Variants in C2CD3 observed in about 807,000 individuals in gnomAD.
The protein encoded by C2CD3 is C2 domain-containing protein 3.
Under a neutral mutation model 234.0 loss-of-function variants are expected in C2CD3, and 148 were observed. The ratio of observed to expected loss-of-function variants is 0.63; its 90% CI spans 0.55 to 0.72. The LOEUF (loss-of-function observed/expected upper bound fraction) is 0.72. Ranked by LOEUF, C2CD3 falls within the 30% of genes least tolerant of loss-of-function variation. C2CD3 has a pLI of 0.00. For missense variants in C2CD3, 2,577 were observed against 2,811.5 expected (o/e 0.92, Z 1.89); for synonymous variants, 1,000 against 1,035.4 (o/e 0.97, Z 0.66).
In C2CD3 at chr11:74,085,703, G is replaced by C; in HGVS notation, c.3825C>G (p.His1275Gln). Residue 1275 changes from histidine to glutamine, a missense_variant, in exon 21 of 33, where the codon CAC becomes CAG. Transcript: ENST00000334126. ...VEFTCNLVTQ[H>Q]CSGEACFLAE... is the part of the protein sequence containing the mutation. ...CTAGGAAACAGGCCTCTCCACTACA[G>C]TGCTGAGTCACCAAGTTACATGTGA... is the stretch of plus-strand genomic sequence containing the variant. 6.2e-7 allele frequency: 1 copy of C among 1,614,078 alleles called. No homozygotes were observed. The highest frequency in any genetic ancestry group is 1.1e-5 in the South Asian group (1 of 91,078).
At chr11:74,134,529 A>C (rs1957794789) in intron 5 of C2CD3, among the ~76,000 whole-genome samples, 1 of 152,178 alleles carries the variant, frequency 6.6e-6, no homozygotes, top group Admixed American at 6.5e-5. Flanking sequence ...TCTGTTTCTA[A>C]ATAAAAACAA....
intron 28 of C2CD3, among the ~76,000 whole-genome samples, chr11:74,045,762 A>G (rs1308701637): frequency 6.6e-6 from 1 of 151,950 alleles, no homozygotes; most frequent in Non-Finnish European, 1.5e-5. Context: ...TTGTAGAGAT[A>G]GGGTTTCACT....
chr11:74,031,669 A>G (rs1054612017), intron 31 of C2CD3, among the ~76,000 whole-genome samples: 5 of 152,180 alleles, frequency 3.3e-5, no homozygotes, highest in Non-Finnish European at 7.3e-5. Flanking sequence ...TCTCATTCAA[A>G]TCTGTCCTTG....
At chr11:74,057,873 C>T (rs1307024731) in intron 24 of C2CD3, among the ~76,000 whole-genome samples, 1 of 152,088 alleles carries the variant, frequency 6.6e-6, no homozygotes, top group Non-Finnish European at 1.5e-5. Context: ...GTGGGAGGAT[C>T]TCTTGAGTCT....
At chr11:74,095,545 T>C (rs1044371106) in intron 16 of C2CD3, 137 bp from the exon 17 acceptor site, 11 of 587,612 alleles carry the variant, frequency 1.9e-5, no homozygotes, top group Non-Finnish European at 2.8e-5. Flanking sequence ...TTAATTTTCA[T>C]TGTAACTCTC....
At chr11:74,063,010 AAATAAACTAGAAAATCTAG>A (rs1954321568) in intron 24 of C2CD3, among the ~76,000 whole-genome samples, 1 of 152,252 alleles carries the variant, frequency 6.6e-6, no homozygotes, top group Non-Finnish European at 1.5e-5. Context: ...ATCTCTATGC[AAATAAACTAGAAAATCTAG>A]AAGAAATGGA....
intron 3 of C2CD3, among the ~76,000 whole-genome samples, chr11:74,153,092 C>T (rs190263693): frequency 6.6e-6 from 1 of 152,038 alleles, no homozygotes; most frequent in Non-Finnish European, 1.5e-5. Flanking sequence ...TTAGCGTGCA[C>T]CTGTAGTCTT....
chr11:74,150,421 G>C (rs1470865368), intron 3 of C2CD3, among the ~76,000 whole-genome samples: 1 of 139,822 alleles, frequency 7.2e-6, no homozygotes, highest in African/African-American at 2.6e-5. Flanking sequence ...CTGGGAAGCA[G>C]AGGTTGCAGT....
At chr11:74,086,038 G>A in intron 20 of C2CD3, 152 bp from the exon 21 acceptor site, 1 of 757,180 alleles carries the variant, frequency 1.3e-6, no homozygotes, top group Middle Eastern at 3.9e-4. Context: ...GTGCCACAAT[G>A]GGCTTTCTTA....
At chr11:74,047,079 G>A (rs1297578082) in intron 28 of C2CD3, among the ~76,000 whole-genome samples, 1 of 152,202 alleles carries the variant, frequency 6.6e-6, no homozygotes, top group Non-Finnish European at 1.5e-5. Flanking sequence ...CAGGTCACAT[G>A]TAACTAGTAA....
At chr11:74,028,444 C>T (rs1952394589) in intron 31 of C2CD3, 46 bp from the exon 32 acceptor site, 6 of 1,248,630 alleles carry the variant, frequency 4.8e-6, no homozygotes, top group Non-Finnish European at 6.7e-6. Context: ...GTCCACCCCT[C>T]TTGCAGTGGA....
At chr11:74,065,612 A>G (rs1954484346) in intron 24 of C2CD3, among the ~76,000 whole-genome samples, 1 of 152,156 alleles carries the variant, frequency 6.6e-6, no homozygotes, top group African/African-American at 2.4e-5. Context: ...ACACATGCAC[A>G]CGTATGTTTA....
intron 15 of C2CD3, among the ~76,000 whole-genome samples, chr11:74,098,887 C>G (rs1434405007): frequency 6.6e-6 from 1 of 152,156 alleles, no homozygotes; most frequent in Non-Finnish European, 1.5e-5. Context: ...GTGACTCAAG[C>G]AATTCATTTA....
At position 74,078,465 on chromosome 11, in the gene C2CD3, A is replaced by G. The variant is rs949742145; in HGVS notation, c.4253T>C (p.Ile1418Thr). The change falls in exon 23 of 33, where the codon ATC becomes ACC. Residue 1418 changes from isoleucine to threonine, a missense_variant. Ile to Thr is a moderately conservative substitution (Grantham distance 89). Transcript: ENST00000334126. ...GTGGCCAGCAAGCAGCACACAATGG[A>G]TGGGCAGCCACAGCCTTGGGGTGGA... is the stretch of plus-strand genomic sequence containing the variant. Reference protein sequence around the residue: ...TISTPRLWLPIHCVLLAGHNH... With the variant: ...TISTPRLWLPTHCVLLAGHNH... 3.1e-6 allele frequency: 5 copies of G among 1,614,196 alleles called. No individual in the cohort carries two copies. The Admixed American group carries it at 5.0e-5, about 16-fold the overall frequency.
At chr11:74,146,471 A>C (rs561345408) in intron 3 of C2CD3, among the ~76,000 whole-genome samples, 32 of 152,270 alleles carry the variant, frequency 2.1e-4, no homozygotes, top group African/African-American at 6.7e-4. Flanking sequence ...GTAAGGGAAA[A>C]ATTTTTGGAT....
chr11:74,114,769 A>G (rs1049884721), intron 9 of C2CD3, among the ~76,000 whole-genome samples, 176 bp from the exon 10 acceptor site: 9 of 152,084 alleles, frequency 5.9e-5, no homozygotes, highest in Non-Finnish European at 8.8e-5. Flanking sequence ...TGGCACGATC[A>G]TGGCTTACTG....
Position 74,168,682 on chromosome 11 carries a change from T to A in C2CD3, c.56-69A>T, listed in dbSNP as rs1372217569. 14 of 1,406,912 alleles carry A rather than the reference T, an allele frequency of 1.0e-5. No homozygotes were observed. In the East Asian group the frequency reaches 3.2e-4, roughly 32 times the overall value. The allele number at this position is 1,406,912 out of a possible 1,614,324, so 87.2% of individuals were successfully genotyped here. On this transcript the variant is annotated intron_variant, in intron 1 of 32. Coordinates refer to ENST00000334126, the MANE Select transcript of C2CD3 (RefSeq NM_001286577.2). ...TATAGAAAACATATAATATGCTTTT[T>A]GAATGAAAACAAACAGAACACTTTA...
At chr11:74,168,033 C>T in intron 2 of C2CD3, 1 of 235,592 alleles carries the variant, frequency 4.2e-6, no homozygotes, top group South Asian at 7.3e-5. Flanking sequence ...CCTAATTCAG[C>T]CATTTATCAA....
Position 74,017,718 on chromosome 11 carries a change from T to C in C2CD3, c.6922-4193A>G, listed in dbSNP as rs1382388127. Among the ~76,000 whole-genome samples the C allele has an allele frequency of 2.6e-5, 4 of 152,222 alleles. No homozygotes were observed. In the East Asian group the frequency reaches 7.7e-4, roughly 29 times the overall value. ...AGATAATGCAAGAGGAGGCACTCTA[T>C]AAACCACGGGCTTATCCCGGCCCTT... On this transcript the variant is annotated intron_variant, in intron 32 of 32. Transcript: ENST00000334126.
Sources: allele counts gnomAD v4.1 joint callset (sites outside exome capture counted in the v4.1 genomes callset), GRCh38; gene constraint gnomAD v4.1.1; transcripts MANE v1.5; gene names NCBI Gene and HGNC (gene_info 2026-07-23, HGNC 2026-07-21).